Variants in NTRK1 observed in about 807,000 individuals in gnomAD.
The protein encoded by NTRK1 is neurotrophic receptor tyrosine kinase 1.
NTRK1 carries 62 observed loss-of-function variants against 86.8 expected under a neutral mutation model. The observed-to-expected ratio is 0.71, with a 90% CI of 0.58 to 0.88. NTRK1 has a LOEUF of 0.88. Ranked by LOEUF, NTRK1 falls within the 40% of genes least tolerant of loss-of-function variation. NTRK1 has a pLI of 0.00. For synonymous variants in NTRK1, 469 were observed against 456.6 expected (o/e 1.03, Z -0.35); for missense variants, 967 against 1,078.4 (o/e 0.90, Z 1.45).
intron 1 of NTRK1, among the ~76,000 whole-genome samples, chr1:156,825,132 G>T (rs1405459760): frequency 6.6e-6 from 1 of 151,972 alleles, no homozygotes; most frequent in Non-Finnish European, 1.5e-5. Flanking sequence ...CAGGTGATCC[G>T]CCCGCCTCAG....
intron 4 of NTRK1, 110 bp from the exon 5 acceptor site, chr1:156,867,994 C>G: frequency 1.6e-6 from 2 of 1,217,740 alleles, no homozygotes; most frequent in East Asian, 2.3e-5. Flanking sequence ...CCTCTGTGTC[C>G]TCCCTTTCAC....
At chr1:156,820,228 G>A (rs895925157) in intron 1 of NTRK1, among the ~76,000 whole-genome samples, 1 of 151,940 alleles carries the variant, frequency 6.6e-6, no homozygotes, top group Non-Finnish European at 1.5e-5. Flanking sequence ...TATTGAATAG[G>A]GTGTCCTTCC....
In NTRK1 at chr1:156,854,198, G is replaced by C; in HGVS notation, c.51-10156G>C. ...GCTGAGGCCGCGGAAGTCCTCCCCGGTGGCTGTGAACATGAGCAGGATCTG... is the reference window on the plus strand; with the variant it reads ...GCTGAGGCCGCGGAAGTCCTCCCCGCTGGCTGTGAACATGAGCAGGATCTG... On this transcript the variant is annotated intron_variant, in intron 2 of 16. Transcript: ENST00000392302. This position sits in a 1 kb window ranked among gnomAD's most constrained non-coding sequence, Gnocchi z 4.2. 6.2e-7 allele frequency: 1 copy of C among 1,614,096 alleles called. No individual in the cohort carries two copies. Among genetic ancestry groups the C allele is most frequent in the Non-Finnish European group, 8.5e-7 (1 of 1,180,028 alleles).
chr1:156,873,926 C>T lies in NTRK1; in HGVS notation c.1144C>T (p.Pro382Ser), dbSNP rs569895276. ...CATCATGGCTGCCTTCATGGACAACCCTTTCGAGTTCAACCCCGAGGACCC... is the reference window on the plus strand; with the variant it reads ...CATCATGGCTGCCTTCATGGACAACTCTTTCGAGTTCAACCCCGAGGACCC... ...ASIMAAFMDN[P>S]FEFNPEDPIP... is the part of the protein sequence containing the mutation. Residue 382 changes from proline (P) to serine (S), a missense_variant, in exon 8 of 17, where the codon CCT becomes TCT. By Grantham distance (74) the Pro-to-Ser change is moderately conservative. Transcript: ENST00000524377. 1 of 1,559,822 alleles carries T rather than the reference C, an allele frequency of 6.4e-7. No homozygotes were observed. The highest frequency in any genetic ancestry group is 1.4e-5 in the African/African-American group (1 of 73,552).
chr1:156,875,940 G>A (rs751463249), intron 12 of NTRK1, 140 bp from the exon 13 acceptor site: 1 of 1,332,672 alleles, frequency 7.5e-7, no homozygotes, highest in Non-Finnish European at 1.1e-6. Context: ...TGCTGAAGGG[G>A]TGCAGGTTGA....
intron 3 of NTRK1, among the ~76,000 whole-genome samples, chr1:156,865,397 G>C (rs1238204170): frequency 6.6e-6 from 1 of 152,114 alleles, no homozygotes; most frequent in Non-Finnish European, 1.5e-5. Context: ...TTCTCAAAAG[G>C]AGCACACAAC....
chr1:156,853,877 T>C (rs778829579), intron 2 of NTRK1: 59 of 1,614,044 alleles, frequency 3.7e-5, no homozygotes, highest in Non-Finnish European at 5.0e-5. Flanking sequence ...CTCGCCCAGC[T>C]TGTTGCCCAC....
At chr1:156,841,070 G>A in intron 1 of NTRK1, 2 of 1,573,298 alleles carry the variant, frequency 1.3e-6, no homozygotes, top group Non-Finnish European at 1.7e-6. Flanking sequence ...CGCAGGCGTG[G>A]GTTCGGCTGC....
At chr1:156,861,210 G>A (rs930752620) in intron 1 of NTRK1, 64 bp downstream of exon 1, 6 of 1,506,554 alleles carry the variant, frequency 4.0e-6, no homozygotes, top group South Asian at 1.2e-5. Flanking sequence ...CCCCGAGGGC[G>A]CGGACTCGCT....
intron 2 of NTRK1, chr1:156,852,151 G>C (rs376798720): frequency 1.2e-6 from 2 of 1,609,798 alleles, no homozygotes; most frequent in South Asian, 2.2e-5. Context: ...GGCAGCACTC[G>C]CCCCTCGCTG....
At chr1:156,865,055 C>A in intron 3 of NTRK1, 1 of 553,076 alleles carries the variant, frequency 1.8e-6, no homozygotes. Context: ...AGGTGCCTGC[C>A]CTATCTTTCT....
In NTRK1 at chr1:156,873,646, G is replaced by T; in HGVS notation, c.864G>T (p.Val288=). 1 of 1,611,030 alleles carries T rather than the reference G, an allele frequency of 6.2e-7. No homozygotes were observed. The change falls in exon 8 of 17, where the codon GTG becomes GTT. Residue 288 remains valine (V), a synonymous_variant. Coordinates refer to ENST00000524377, the MANE Select transcript of NTRK1 (RefSeq NM_002529.4). ...TCTGGCCCACAGTCCCGGCCAGTGT[G>T]CAGCTGCACACGGCGGTGGAGATGC... is the stretch of plus-strand genomic sequence containing the variant. The part of the protein sequence containing the change: ...VQVNVSFPAS[V]QLHTAVEMHH...
intron 3 of NTRK1, among the ~76,000 whole-genome samples, chr1:156,866,337 C>G (rs1655926769): frequency 2.0e-5 from 3 of 152,188 alleles, no homozygotes; most frequent in Admixed American, 2.0e-4. Flanking sequence ...CCCTGCTGGG[C>G]TCACTTTTTC....
At position 156,849,995 on chromosome 1, in the gene NTRK1, C is replaced by T. The variant is rs142401355; in HGVS notation, c.50+7802C>T. ...GTGGCCCACTGCCGCCTTGACCTCCCGGGCTCAGGTGATCCTCCCACCTCA... is the reference window on the plus strand; with the variant it reads ...GTGGCCCACTGCCGCCTTGACCTCCTGGGCTCAGGTGATCCTCCCACCTCA... On this transcript the variant is annotated intron_variant, in intron 2 of 16. Coordinates refer to the NTRK1 transcript ENST00000392302. Among the ~76,000 whole-genome samples, 735 of 152,066 alleles carry T rather than the reference C, an allele frequency of 4.8e-3. 8 individuals carry two copies. The highest frequency in any genetic ancestry group is 0.017 in the African/African-American group (713 of 41,458).
chr1:156,818,757 A>G (rs1294489533), intron 1 of NTRK1, among the ~76,000 whole-genome samples: 3 of 152,188 alleles, frequency 2.0e-5, no homozygotes, highest in African/African-American at 7.2e-5. Context: ...ATATCTTTGC[A>G]ATTGCAAACT....
chr1:156,826,058 G>A (rs1035968588), intron 1 of NTRK1, among the ~76,000 whole-genome samples: 4 of 152,128 alleles, frequency 2.6e-5, no homozygotes, highest in African/African-American at 9.7e-5. Flanking sequence ...AAGAGTTAAG[G>A]ACGCAGCCCC....
intron 1 of NTRK1, among the ~76,000 whole-genome samples, chr1:156,834,513 G>A (rs1487758267): frequency 6.6e-6 from 1 of 152,192 alleles, no homozygotes; most frequent in African/African-American, 2.4e-5. Context: ...GAGGCAGAGT[G>A]GGGTGGTGGA....
intron 1 of NTRK1, among the ~76,000 whole-genome samples, chr1:156,828,506 G>C (rs1654382423): frequency 1.3e-5 from 2 of 152,250 alleles, no homozygotes. Flanking sequence ...CACGCTCCCT[G>C]CTGGGCTGCC....
rs2102906243 is a variant in NTRK1 at position 156,873,910 on chromosome 1, T to C, written c.1128T>C (p.Ala376=). 6.4e-7 allele frequency: 1 copy of C among 1,568,344 alleles called. No homozygotes were observed. Among genetic ancestry groups the C allele is most frequent in the Non-Finnish European group, 8.7e-7 (1 of 1,155,812 alleles). The change falls in exon 8 of 17, where the codon GCT becomes GCC. Residue 376 remains alanine, a synonymous_variant. Coordinates refer to ENST00000524377, the MANE Select transcript of NTRK1 (RefSeq NM_002529.4). The part of the protein sequence containing the change: ...PFGQASASIM[A]AFMDNPFEFN... ...GCCAGGCCTCCGCCTCCATCATGGC[T>C]GCCTTCATGGACAACCCTTTCGAGT...
Sources: allele counts gnomAD v4.1 joint callset (sites outside exome capture counted in the v4.1 genomes callset), GRCh38; gene constraint gnomAD v4.1.1; non-coding constraint Gnocchi (gnomAD v3.1); transcripts MANE v1.5; gene names NCBI Gene and HGNC (gene_info 2026-07-23, HGNC 2026-07-21).